Variants in KCTD3 observed in about 807,000 individuals in gnomAD.
The protein encoded by KCTD3 is BTB/POZ domain-containing protein KCTD3.
KCTD3 carries 41 observed loss-of-function variants against 85.8 expected under a neutral mutation model. The observed-to-expected ratio is 0.48, with a 90% confidence interval of 0.37 to 0.62. The LOEUF (loss-of-function observed/expected upper bound fraction) is 0.62, where lower values mean the gene tolerates loss of function less well. Among genes scored for constraint, KCTD3 ranks in the 20% least tolerant of loss-of-function variants. KCTD3 has a pLI of 0.00. For synonymous variants in KCTD3, 338 were observed against 345.4 expected, an observed-to-expected ratio of 0.98 and a Z score of 0.24; for missense variants, 724 against 989.9, an observed-to-expected ratio of 0.73 and a Z score of 3.60.
intron 13 of KCTD3, among the ~76,000 whole-genome samples, chr1:215,606,064 A>G (rs1289697875): frequency 6.6e-6 from 1 of 152,100 alleles, no homozygotes; most frequent in Non-Finnish European, 1.5e-5. Context: ...TCTAGATTCT[A>G]CCTACCTTTA....
At chr1:215,593,559 C>T (rs1660300633) in intron 9 of KCTD3, among the ~76,000 whole-genome samples, 3 of 152,162 alleles carry the variant, frequency 2.0e-5, no homozygotes, top group African/African-American at 7.2e-5. Flanking sequence ...AATCAGTAAT[C>T]TTTCTGGCTT....
chr1:215,582,220 AG>A (rs1659850192), intron 8 of KCTD3, among the ~76,000 whole-genome samples: 1 of 152,200 alleles, frequency 6.6e-6, no homozygotes, highest in African/African-American at 2.4e-5. Flanking sequence ...ATTCTTTGTC[AG>A]TGAATCTGAT....
At chr1:215,594,195 A>G (rs1263820137) in intron 9 of KCTD3, among the ~76,000 whole-genome samples, 2 of 152,130 alleles carry the variant, frequency 1.3e-5, no homozygotes, top group Non-Finnish European at 2.9e-5. Context: ...GATCATTGAA[A>G]CATTTAGCTT....
chr1:215,616,755 C>T (rs147788236), intron 15 of KCTD3, among the ~76,000 whole-genome samples: 2,559 of 152,166 alleles, frequency 0.017, 75 homozygotes, highest in African/African-American at 0.058. Context: ...AGCAAAACTC[C>T]GTCTAATGAA....
intron 9 of KCTD3, among the ~76,000 whole-genome samples, chr1:215,595,126 G>A (rs1660369401): frequency 6.6e-6 from 1 of 152,172 alleles, no homozygotes; most frequent in African/African-American, 2.4e-5. Flanking sequence ...AGGATAAGGT[G>A]TTATACAGCA....
intron 8 of KCTD3, among the ~76,000 whole-genome samples, chr1:215,583,119 GT>G (rs911433013): frequency 5.3e-4 from 78 of 146,388 alleles, no homozygotes; most frequent in East Asian, 7.9e-4. Context: ...AGATTATATA[GT>G]TTTTTTTTTT....
intron 9 of KCTD3, among the ~76,000 whole-genome samples, chr1:215,591,340 TTCCTTC>T: frequency 7.1e-6 from 1 of 139,906 alleles, no homozygotes; most frequent in South Asian, 2.4e-4. Context: ...CCTTCCTTCC[TTCCTTC>T]TCTCTTTCTC....
intron 8 of KCTD3, among the ~76,000 whole-genome samples, chr1:215,583,394 C>CT (rs1659897003): frequency 6.6e-6 from 1 of 152,234 alleles, no homozygotes; most frequent in Non-Finnish European, 1.5e-5. Context: ...GTGAGAGTGT[C>CT]TTTTAGCATG....
chr1:215,591,511 C>G (rs1660217077), intron 9 of KCTD3, among the ~76,000 whole-genome samples: 1 of 152,160 alleles, frequency 6.6e-6, no homozygotes, highest in South Asian at 2.1e-4. Flanking sequence ...GCACATGCCA[C>G]CACGCCCAGC....
Position 215,586,639 on chromosome 1 carries a change from C to T in KCTD3, c.771C>T (p.Ser257=). The change falls in exon 9 of 18, where the codon AGC becomes AGT. Residue 257 remains serine, a synonymous_variant. Transcript: ENST00000259154. ...DKMVAVASES[S]IILWSVQDGG... ...TGGTTGCTGTTGCCTCAGAGAGTAG[C>T]ATCATCTTGTGGAGTGTTCAGGATG... 1 of 1,613,998 alleles carries T rather than the reference C, an allele frequency of 6.2e-7. No individual in the cohort carries two copies. The highest frequency in any genetic ancestry group is 1.3e-5 in the African/African-American group (1 of 75,008).
At position 215,573,911 on chromosome 1, in the gene KCTD3, A is replaced by T. The variant is rs534389421; in HGVS notation, c.137+72A>T. ...CAAAATATAATAATGTTTGTCAGTT[A>T]AATTTTTTTTAATAAAAAAGGTTAA... On this transcript the variant is annotated intron_variant, in intron 2 of 17. Transcript: ENST00000259154. The T allele has an allele frequency of 1.3e-4, 146 of 1,111,468 alleles. 4 individuals carry two copies. The South Asian group carries it at 2.1e-3, about 16-fold the overall frequency. 68.9% of individuals were successfully genotyped at this position (1,111,468 alleles called of 1,614,324 possible).
At chr1:215,618,856 A>G in intron 15 of KCTD3, 30 bp from the exon 16 acceptor site, 3 of 1,523,140 alleles carry the variant, frequency 2.0e-6, no homozygotes, top group Non-Finnish European at 2.6e-6. Flanking sequence ...GCTCATTCCC[A>G]TCAGGGCTCT....
intron 13 of KCTD3, among the ~76,000 whole-genome samples, chr1:215,607,104 A>G (rs1291551797): frequency 2.0e-5 from 3 of 151,936 alleles, no homozygotes; most frequent in African/African-American, 7.2e-5. Context: ...ATTTCTTTCT[A>G]AAGTTTTGTT....
chr1:215,601,156 C>T (rs1484048706), intron 10 of KCTD3, among the ~76,000 whole-genome samples: 4 of 142,630 alleles, frequency 2.8e-5, no homozygotes, highest in African/African-American at 1.2e-4. Context: ...AGGCTGATTT[C>T]GAATTCCTGA....
At chr1:215,599,892 GAA>G (rs200797797) in intron 10 of KCTD3, among the ~76,000 whole-genome samples, 26 of 85,092 alleles carry the variant, frequency 3.1e-4, no homozygotes, top group Admixed American at 2.7e-4. Context: ...CTCTTTCATT[GAA>G]AAAAAAAAAA....
chr1:215,590,158 G>A (rs533717929), intron 9 of KCTD3, among the ~76,000 whole-genome samples: 1 of 152,144 alleles, frequency 6.6e-6, no homozygotes, highest in African/African-American at 2.4e-5. Flanking sequence ...GATTTTAATT[G>A]TGGCTTTAAC....
chr1:215,578,157 C>T (rs1307307010), intron 6 of KCTD3, 76 bp downstream of exon 6: 43 of 1,170,160 alleles, frequency 3.7e-5, no homozygotes, highest in Non-Finnish European at 4.7e-5. Flanking sequence ...ATAGGAAAAA[C>T]TGCTCCTTGA....
chr1:215,577,838 C>T (rs1659649481), intron 5 of KCTD3, 110 bp downstream of exon 5: 2 of 1,301,506 alleles, frequency 1.5e-6, no homozygotes, highest in Non-Finnish European at 2.2e-6. Context: ...TTGTTCAGTG[C>T]TTAGTTTTTG....
chr1:215,575,866 G>T, intron 3 of KCTD3, 35 bp from the exon 4 acceptor site: 1 of 1,185,964 alleles, frequency 8.4e-7, no homozygotes, highest in Non-Finnish European at 1.2e-6. Flanking sequence ...AGATTAATTT[G>T]TAATTTGAAA....
Sources: allele counts gnomAD v4.1 joint callset (sites outside exome capture counted in the v4.1 genomes callset), GRCh38; gene constraint gnomAD v4.1.1; transcripts MANE v1.5; gene names NCBI Gene and HGNC (gene_info 2026-07-23, HGNC 2026-07-21).